Variants in SNRPN observed in about 807,000 individuals in gnomAD.
SNRPN encodes small nuclear ribonucleoprotein polypeptide N, also known as small nuclear ribonucleoprotein-associated protein N.
A neutral mutation model predicts 25.2 loss-of-function variants in SNRPN; 7 were observed. That is an observed-to-expected ratio of 0.28 (90% CI 0.16 to 0.52). SNRPN has a LOEUF of 0.52. SNRPN is among the 20% of genes least tolerant of loss of function. The pLI, the probability that SNRPN is intolerant of heterozygous loss-of-function variation, is 0.96. For missense variants in SNRPN, 196 were observed against 322.5 expected (o/e 0.61, Z 3.00); for synonymous variants, 124 against 110.6 (o/e 1.12, Z -0.76).
chr15:24,951,391 C>T (rs1382437296), upstream of SNRPN, among the ~76,000 whole-genome samples: 2 of 152,010 alleles, frequency 1.3e-5, no homozygotes, highest in East Asian at 3.9e-4. Context: ...ATTTGTACTT[C>T]TCTAATGACT....
intron 1 of SNRPN, among the ~76,000 whole-genome samples, chr15:24,875,795 T>C (rs2055801308): frequency 6.6e-6 from 1 of 152,134 alleles, no homozygotes; most frequent in Admixed American, 6.5e-5. Flanking sequence ...AGTTCATGCC[T>C]GTAATCCCAG....
At chr15:24,895,457 A>G (rs962442756) in intron 2 of SNRPN, among the ~76,000 whole-genome samples, 1 of 151,288 alleles carries the variant, frequency 6.6e-6, no homozygotes. Flanking sequence ...CACATTCCCT[A>G]TGACTATCTT....
chr15:24,884,851 C>G (rs948646440), intron 1 of SNRPN, among the ~76,000 whole-genome samples: 1 of 152,070 alleles, frequency 6.6e-6, no homozygotes, highest in African/African-American at 2.4e-5. Context: ...AAAGAGGGTT[C>G]TTGGATCTCT....
intron 1 of SNRPN, among the ~76,000 whole-genome samples, chr15:24,869,375 G>GTAGTATACA (rs1226367632): frequency 6.6e-6 from 1 of 152,078 alleles, no homozygotes; most frequent in Non-Finnish European, 1.5e-5. Context: ...TCATAATTCA[G>GTAGTATACA]TAGTATACAT....
chr15:24,963,715 G>A (rs895530912), intron 2 of SNRPN, among the ~76,000 whole-genome samples: 6 of 151,910 alleles, frequency 3.9e-5, no homozygotes, highest in East Asian at 1.9e-4. Context: ...GTAGTAGTTT[G>A]TGTGTCTTTT....
intron 2 of SNRPN, chr15:24,909,119 A>G: frequency 7.4e-7 from 1 of 1,343,632 alleles, no homozygotes; most frequent in Non-Finnish European, 1.1e-6. Context: ...TTCCTCCATC[A>G]TGTCTGGAGT....
At chr15:24,967,082 A>T (rs1198784599) in intron 2 of SNRPN, 3 of 152,194 alleles carry the variant, frequency 2.0e-5, no homozygotes, top group African/African-American at 7.2e-5. Context: ...ATCTCCCTGC[A>T]AATGCTTTAG....
intron 1 of SNRPN, among the ~76,000 whole-genome samples, chr15:24,956,648 C>T (rs1010700471): frequency 6.6e-6 from 1 of 152,204 alleles, no homozygotes; most frequent in Non-Finnish European, 1.5e-5. Context: ...GGCAGCCCTC[C>T]CCTTCACCTG....
At chr15:24,963,084 G>T (rs1427351178) in intron 2 of SNRPN, among the ~76,000 whole-genome samples, 2 of 152,080 alleles carry the variant, frequency 1.3e-5, no homozygotes, top group East Asian at 1.9e-4. Flanking sequence ...GTGTGTAGTG[G>T]GGAGAGAGGA....
At chr15:24,882,979 T>TAAA (rs2056868064) in intron 1 of SNRPN, among the ~76,000 whole-genome samples, 1 of 152,080 alleles carries the variant, frequency 6.6e-6, no homozygotes, top group Non-Finnish European at 1.5e-5. Flanking sequence ...ACAAAGTCTA[T>TAAA]TTTATAATAA....
intron 3 of SNRPN, among the ~76,000 whole-genome samples, chr15:24,936,971 G>A (rs367812712): frequency 6.6e-6 from 1 of 152,154 alleles, no homozygotes; most frequent in African/African-American, 2.4e-5. Context: ...CCGGCCAGGT[G>A]CGATGGCTCA....
chr15:24,971,719 A>G (rs1457187969), intron 3 of SNRPN, among the ~76,000 whole-genome samples: 1 of 152,106 alleles, frequency 6.6e-6, no homozygotes, highest in Admixed American at 6.6e-5. Context: ...AAAAATTCCA[A>G]CCTCTGGCAT....
intron 3 of SNRPN, among the ~76,000 whole-genome samples, chr15:24,946,261 G>T (rs2061876874): frequency 6.6e-6 from 1 of 151,990 alleles, no homozygotes; most frequent in Non-Finnish European, 1.5e-5. Context: ...TGGAAATAGG[G>T]CCAGGCATGG....
intron 2 of SNRPN, among the ~76,000 whole-genome samples, chr15:24,907,233 A>C (rs1172107212): frequency 6.6e-6 from 1 of 152,108 alleles, no homozygotes; most frequent in Non-Finnish European, 1.5e-5. Context: ...CCTACGGAGG[A>C]AGGACTTCCA....
At chr15:24,941,767 T>TTTTATTTA (rs571831024) in intron 3 of SNRPN, among the ~76,000 whole-genome samples, 15 of 151,774 alleles carry the variant, frequency 9.9e-5, no homozygotes, top group Non-Finnish European at 1.6e-4. Context: ...AGTTTTTTGT[T>TTTTATTTA]TTTATTTATT....
In SNRPN at chr15:24,943,112, C is replaced by T. The variant is rs573396949; in HGVS notation, c.-390-19002C>T. ...CCAAGGCTTCCTTGTCACCAATTTT[C>T]CAATCATGCTCCTTCCACATTACTG... On this transcript the variant is annotated intron_variant, in intron 3 of 11. Coordinates refer to the SNRPN transcript ENST00000400097. Among the ~76,000 whole-genome samples, 3 of 151,560 alleles carry T rather than the reference C, an allele frequency of 2.0e-5. No individual in the cohort carries two copies. The East Asian group carries it at 5.8e-4, about 29-fold the overall frequency.
At chr15:24,961,955 G>A (rs1465801065) in intron 1 of SNRPN, among the ~76,000 whole-genome samples, 159 bp from the exon 2 acceptor site, 1 of 152,112 alleles carries the variant, frequency 6.6e-6, no homozygotes, top group Non-Finnish European at 1.5e-5. Flanking sequence ...CATAGATTAT[G>A]ACTGTTTGAA....
At chr15:24,847,551 A>T (rs1023062530) in intron 2 of SNRPN, among the ~76,000 whole-genome samples, 1 of 152,132 alleles carries the variant, frequency 6.6e-6, no homozygotes, top group African/African-American at 2.4e-5. Flanking sequence ...AGGCAGGAGA[A>T]TTGCTTGAAC....
intron 2 of SNRPN, among the ~76,000 whole-genome samples, chr15:24,835,542 T>C (rs2051089546): frequency 6.6e-6 from 1 of 152,090 alleles, no homozygotes. Context: ...AGCATCCTGA[T>C]GTGTTTAGGA....
Sources: gnomAD v4.1 joint callset for allele counts (sites outside exome capture counted in the v4.1 genomes callset) on GRCh38, gnomAD v4.1.1 for gene constraint, MANE v1.5 for transcripts, NCBI Gene and HGNC (gene_info 2026-07-23, HGNC 2026-07-21) for gene names.